The following SNX9 variants were observed in gnomAD, a reference collection of about 807,000 sequenced individuals.
SNX9 encodes sorting nexin 9, also known as sorting nexin-9.
Under a neutral mutation model 89.4 loss-of-function variants are expected in SNX9, and 44 were observed. That is an observed-to-expected ratio of 0.49 (90% CI 0.39 to 0.63). The LOEUF (loss-of-function observed/expected upper bound fraction) is 0.63, where lower values mean the gene tolerates loss of function less well. Ranked by LOEUF, SNX9 falls within the 30% of genes least tolerant of loss-of-function variation. SNX9 has a pLI of 0.00. For missense variants in SNX9, 578 were observed against 736.1 expected (o/e 0.79, Z 2.49); for synonymous variants, 236 against 247.8 (o/e 0.95, Z 0.45).
At chr6:157,839,679 C>G (rs781249342) in intron 1 of SNX9, among the ~76,000 whole-genome samples, 2 of 152,190 alleles carry the variant, frequency 1.3e-5, no homozygotes, top group Non-Finnish European at 2.9e-5. Context: ...CCCAGGCCAC[C>G]GCCTCTTGCC....
chr6:157,887,636 T>C (rs1782763402), intron 4 of SNX9, among the ~76,000 whole-genome samples: 2 of 152,206 alleles, frequency 1.3e-5, no homozygotes, highest in African/African-American at 4.8e-5. Context: ...CACTGTCTGG[T>C]GTCCAGTGAT....
At chr6:157,905,037 T>G (rs545998938) in intron 6 of SNX9, among the ~76,000 whole-genome samples, 10 of 152,322 alleles carry the variant, frequency 6.6e-5, no homozygotes, top group African/African-American at 1.9e-4. Context: ...CCTTATCACC[T>G]TAGAAGGTAG....
At chr6:157,929,071 G>A (rs1783755600) in intron 12 of SNX9, among the ~76,000 whole-genome samples, 2 of 152,074 alleles carry the variant, frequency 1.3e-5, no homozygotes, top group Non-Finnish European at 2.9e-5. Flanking sequence ...TTGTGTATTT[G>A]ACTAAAACCA....
rs188589547 is a variant in SNX9, at chr6:157,876,107, A to G, written c.300+931A>G. Among the ~76,000 whole-genome samples the G allele has an allele frequency of 2.5e-3, 385 of 152,146 alleles. 2 individuals carry two copies. The highest frequency in any genetic ancestry group is 4.3e-3 in the Non-Finnish European group (290 of 68,014). On this transcript the variant is annotated intron_variant, in intron 4 of 17. Coordinates refer to ENST00000392185, the MANE Select transcript of SNX9 (RefSeq NM_016224.5). ...AACTACATAAAAGGTTTTAAATTCT[A>G]TCAGGCCTGATGATAATCATATCAC...
chr6:157,838,560 C>G (rs1243972299), intron 1 of SNX9, among the ~76,000 whole-genome samples: 1 of 151,982 alleles, frequency 6.6e-6, no homozygotes, highest in African/African-American at 2.4e-5. Flanking sequence ...CCATTGGAAA[C>G]TTAAGAGTAA....
intron 10 of SNX9, among the ~76,000 whole-genome samples, chr6:157,923,504 A>G (rs1029019620): frequency 6.6e-6 from 1 of 152,176 alleles, no homozygotes; most frequent in African/African-American, 2.4e-5. Context: ...GAAAATGTAC[A>G]AAAGATCTAC....
At chr6:157,919,654 C>T (rs1181541466) in intron 9 of SNX9, among the ~76,000 whole-genome samples, 2 of 152,086 alleles carry the variant, frequency 1.3e-5, no homozygotes, top group Admixed American at 6.5e-5. Flanking sequence ...CTTTGAAAAT[C>T]CTTATAGAAT....
intron 9 of SNX9, among the ~76,000 whole-genome samples, chr6:157,918,969 T>G (rs1238032158): frequency 6.6e-6 from 1 of 152,124 alleles, no homozygotes; most frequent in African/African-American, 2.4e-5. Context: ...CTACAGTCTT[T>G]TGTCTTTTAA....
intron 1 of SNX9, among the ~76,000 whole-genome samples, chr6:157,829,961 T>C (rs1016756433): frequency 3.0e-4 from 46 of 152,202 alleles, no homozygotes; most frequent in African/African-American, 1.1e-3. Flanking sequence ...CCAGTGGTTA[T>C]CATAAGGATG....
chr6:157,881,118 G>C (rs1340336630), intron 4 of SNX9, among the ~76,000 whole-genome samples: 1 of 152,158 alleles, frequency 6.6e-6, no homozygotes, highest in African/African-American at 2.4e-5. Flanking sequence ...CCTGCATTGA[G>C]CAAGTCTATG....
rs1482367763 is a variant in SNX9, at chr6:157,823,274, C to T, written c.-161C>T. The T allele has an allele frequency of 1.6e-5, 7 of 429,266 alleles. No individual in the cohort carries two copies. The highest frequency in any genetic ancestry group is 2.1e-5 in the African/African-American group (1 of 46,596). 26.6% of individuals were successfully genotyped at this position (429,266 alleles called of 1,614,324 possible). ...AGTAGCCGAGCGCCCAGCGGCTGGG[C>T]CTGAGCGTCGAGACTCGGGGCCGAG... On this transcript the variant is annotated 5_prime_UTR_variant, in exon 1 of 18. Transcript: ENST00000392185. This position sits in a 1 kb window ranked among gnomAD's most constrained non-coding sequence, Gnocchi z 4.6.
chr6:157,942,699 A>G, intron 17 of SNX9, 92 bp from the exon 18 acceptor site: 2 of 1,337,096 alleles, frequency 1.5e-6, no homozygotes, highest in Non-Finnish European at 2.1e-6. Context: ...AATTTGTGTC[A>G]TGTTTAACTT....
chr6:157,836,374 T>G (rs1175097449), intron 1 of SNX9, among the ~76,000 whole-genome samples: 1 of 152,170 alleles, frequency 6.6e-6, no homozygotes, highest in Non-Finnish European at 1.5e-5. Context: ...AGGACTCTCT[T>G]CTATACAGAA....
At chr6:157,864,608 C>G (rs530189670) in intron 1 of SNX9, among the ~76,000 whole-genome samples, 12 of 152,138 alleles carry the variant, frequency 7.9e-5, no homozygotes, top group Non-Finnish European at 1.8e-4. Context: ...TCCTCATGCC[C>G]GTGAGTGTGG....
intron 1 of SNX9, among the ~76,000 whole-genome samples, chr6:157,828,016 T>C (rs1191565693): frequency 6.6e-6 from 1 of 152,114 alleles, no homozygotes. Flanking sequence ...ATGCATAGAT[T>C]AGTGAGAACA....
At chr6:157,853,883 A>C (rs1405656229) in intron 1 of SNX9, among the ~76,000 whole-genome samples, 1 of 151,934 alleles carries the variant, frequency 6.6e-6, no homozygotes, top group Non-Finnish European at 1.5e-5. Flanking sequence ...TTATTACTTC[A>C]TTTCTCCTTT....
chr6:157,857,065 A>T (rs1297241974), intron 1 of SNX9, among the ~76,000 whole-genome samples: 61 of 152,186 alleles, frequency 4.0e-4, no homozygotes, highest in Admixed American at 4.0e-3. Context: ...TTTATTTACC[A>T]GTTGTCAAAA....
chr6:157,935,168 C>G (rs1783898126), intron 13 of SNX9, among the ~76,000 whole-genome samples: 1 of 152,164 alleles, frequency 6.6e-6, no homozygotes, highest in Non-Finnish European at 1.5e-5. Context: ...CCTGTTCAAA[C>G]TCTACCTCTG....
At position 157,937,447 on chromosome 6, in the gene SNX9, T is replaced by A. The variant is rs958538066; in HGVS notation, c.1457T>A (p.Leu486His). The A allele has an allele frequency of 1.2e-6, 2 of 1,612,946 alleles. No homozygotes were observed. The highest frequency in any genetic ancestry group is 2.7e-5 in the African/African-American group (2 of 74,916). Residue 486 changes from leucine (L) to histidine (H), a missense_variant, in exon 15 of 18, where the codon CTC (leucine) becomes CAC (histidine). By Grantham distance (99) the Leu-to-His change is moderately conservative. Coordinates refer to ENST00000392185, the MANE Select transcript of SNX9 (RefSeq NM_016224.5). The part of the protein sequence containing the change: ...SLVAEQPKKD[L>H]HFLMECNHEY... ...ATCTTGTTATAGCCAAAGAAAGATC[T>A]CCATTTCCTGATGGAATGTAATCAC...
Sources: gnomAD v4.1 joint callset for allele counts (sites outside exome capture counted in the v4.1 genomes callset) on GRCh38, gnomAD v4.1.1 for gene constraint, Gnocchi (gnomAD v3.1) non-coding constraint, MANE v1.5 for transcripts, NCBI Gene and HGNC (gene_info 2026-07-23, HGNC 2026-07-21) for gene names.